Variants in ASCL5 observed in about 807,000 individuals in gnomAD.
ASCL5 encodes the protein achaete-scute family bHLH transcription factor 5, also known as achaete-scute homolog 5.
For missense variants in ASCL5, 262 were observed against 268.9 expected (o/e 0.97, Z 0.18); for synonymous variants, 124 against 131.5 (o/e 0.94, Z 0.39).
Position 201,114,686 on chromosome 1 carries a change from G to C in ASCL5, c.*66C>G, listed in dbSNP as rs867788138. The C allele has an allele frequency of 2.5e-6, 3 of 1,218,006 alleles. No individual in the cohort carries two copies. Among genetic ancestry groups the C allele is most frequent in the Middle Eastern group, 3.2e-4 (1 of 3,162 alleles). The allele number at this position is 1,218,006 out of a possible 1,614,324, so 75.4% of individuals were successfully genotyped here. A position where few individuals can be genotyped will look rare whatever the true frequency, so the allele number is the denominator to read the frequency against. ...ATCGCGGGTGACCCAACAGCCTCCC[G>C]CTGCTCCCGAAAGTGGGACGGGGCC... is the stretch of plus-strand genomic sequence containing the variant. On this transcript the variant is annotated 3_prime_UTR_variant, in exon 2 of 2. Coordinates refer to ENST00000449188, the MANE Select transcript of ASCL5 (RefSeq NM_001270601.2).
At chr1:201,120,441 C>T (rs11578994) in intron 1 of ASCL5, among the ~76,000 whole-genome samples, 3,085 of 152,288 alleles carry the variant, frequency 0.02, 64 homozygotes, top group South Asian at 0.06. Flanking sequence ...TGTCTCCCCA[C>T]CCTCCTCAGC....
At chr1:201,116,270 T>C (rs1663347343) in intron 1 of ASCL5, among the ~76,000 whole-genome samples, 1 of 152,128 alleles carries the variant, frequency 6.6e-6, no homozygotes, top group African/African-American at 2.4e-5. Context: ...TAGAAGCGGG[T>C]CTGAGACTGC....
chr1:201,125,639 C>T (rs1444262182), intron 1 of ASCL5, among the ~76,000 whole-genome samples: 1 of 152,212 alleles, frequency 6.6e-6, no homozygotes, highest in Non-Finnish European at 1.5e-5. Flanking sequence ...GTTCACCTTG[C>T]TGTGCATTTG....
chr1:201,122,953 TA>T (rs1245361555), intron 1 of ASCL5, among the ~76,000 whole-genome samples: 1 of 152,180 alleles, frequency 6.6e-6, no homozygotes, highest in African/African-American at 2.4e-5. Flanking sequence ...AAAGGTAATG[TA>T]TGTGAGCCAC....
chr1:201,120,417 G>A (rs1052676097), intron 1 of ASCL5, among the ~76,000 whole-genome samples: 1 of 152,020 alleles, frequency 6.6e-6, no homozygotes, highest in Non-Finnish European at 1.5e-5. Context: ...GGTGCTCAAT[G>A]TTCACCAGGG....
At chr1:201,121,566 C>T (rs563927646) in intron 1 of ASCL5, among the ~76,000 whole-genome samples, 8 of 152,262 alleles carry the variant, frequency 5.3e-5, no homozygotes, top group African/African-American at 1.9e-4. Context: ...ATTCATTAAG[C>T]AGGCCATCTT....
At chr1:201,124,363 T>C (rs1434143126) in intron 1 of ASCL5, among the ~76,000 whole-genome samples, 1 of 152,166 alleles carries the variant, frequency 6.6e-6, no homozygotes, top group Non-Finnish European at 1.5e-5. Context: ...GCCTCTGCCC[T>C]CTGAACCACA....
In ASCL5 at chr1:201,114,643, G is replaced by T. The variant is rs560848749; in HGVS notation, c.*109C>A. ...ACGGGAGCGCCGCGGACCTCCTACA[G>T]TCACCGTCCTGCGGCGCATCGCGGG... On this transcript the variant is annotated 3_prime_UTR_variant, in exon 2 of 2. Coordinates refer to ENST00000449188, the MANE Select transcript of ASCL5 (RefSeq NM_001270601.2). The T allele has an allele frequency of 5.8e-6, 6 of 1,025,872 alleles. No homozygotes were observed. The East Asian group carries it at 2.0e-4, about 34-fold the overall frequency. 63.5% of individuals were successfully genotyped at this position (1,025,872 alleles called of 1,614,324 possible).
chr1:201,121,548 T>A (rs763898410), intron 1 of ASCL5, among the ~76,000 whole-genome samples: 11 of 152,240 alleles, frequency 7.2e-5, no homozygotes, highest in Non-Finnish European at 1.5e-4. Context: ...AGTGTCGATT[T>A]ATTTAGCATT....
At position 201,122,429 on chromosome 1, in the gene ASCL5, A is replaced by G. The variant is rs374076419; in HGVS notation, c.-506+4655T>C. ...GCTCGCGTGGATTAGGTGCCCTCTG[A>G]TGCTTGGTGCTTTGCGGCGTGCTCT... On this transcript the variant is annotated intron_variant, in intron 1 of 1. Transcript: ENST00000449188. Among the ~76,000 whole-genome samples the G allele has an allele frequency of 3.7e-4, 56 of 152,254 alleles. 1 individual carries two copies. In the South Asian group the frequency reaches 0.011, roughly 30 times the overall value.
intron 1 of ASCL5, among the ~76,000 whole-genome samples, chr1:201,121,681 G>T (rs1208561704): frequency 1.3e-5 from 2 of 151,950 alleles, no homozygotes; most frequent in Non-Finnish European, 2.9e-5. Context: ...AATAAAAACG[G>T]TTAACTGGAT....
At chr1:201,123,084 C>T (rs563881802) in intron 1 of ASCL5, among the ~76,000 whole-genome samples, 5 of 152,260 alleles carry the variant, frequency 3.3e-5, no homozygotes, top group African/African-American at 1.2e-4. Context: ...AAGCCCAGGA[C>T]GGCAGGTGCC....
intron 1 of ASCL5, among the ~76,000 whole-genome samples, chr1:201,121,758 G>C (rs919522062): frequency 2.0e-5 from 3 of 151,976 alleles, no homozygotes; most frequent in African/African-American, 7.2e-5. Flanking sequence ...TTGAGCTCAG[G>C]AGGTGGAGGC....
chr1:201,120,731 G>T (rs1449272616), intron 1 of ASCL5, among the ~76,000 whole-genome samples: 2 of 152,244 alleles, frequency 1.3e-5, no homozygotes, highest in Admixed American at 6.5e-5. Context: ...AGAGTTGGGG[G>T]TCTGAGGTCA....
rs926468106 is a variant in ASCL5 at position 201,121,737 on chromosome 1, G to C, written c.-506+5347C>G. ...TCCCGGCTACTCAGGAGGCTGAGGTGGGAGGATCAGTTGAGCTCAGGAGGT... is the reference window on the plus strand; with the variant it reads ...TCCCGGCTACTCAGGAGGCTGAGGTCGGAGGATCAGTTGAGCTCAGGAGGT... On this transcript the variant is annotated intron_variant, in intron 1 of 1. Coordinates refer to ENST00000449188, the MANE Select transcript of ASCL5 (RefSeq NM_001270601.2). 3.0e-4 allele frequency among the ~76,000 whole-genome samples: 46 copies of C among 152,110 alleles called. 1 individual carries two copies. Among genetic ancestry groups the C allele is most frequent in the African/African-American group, 1.1e-3 (45 of 41,506 alleles).
rs75145177 is a variant in ASCL5, at chr1:201,121,087, C to T, written c.-505-5210G>A. 1.8e-3 allele frequency among the ~76,000 whole-genome samples: 273 copies of T among 152,336 alleles called. 1 individual carries two copies. Among genetic ancestry groups the T allele is most frequent in the Middle Eastern group, 0.014 (4 of 294 alleles). On this transcript the variant is annotated intron_variant, in intron 1 of 1. Transcript: ENST00000449188. ...GCATAATTTGAGAAATGCAGCTCCC[C>T]GCATTTCCCTCCTTGGATACCCACA...
intron 1 of ASCL5, among the ~76,000 whole-genome samples, chr1:201,124,862 G>T (rs562317873): frequency 6.6e-6 from 1 of 152,300 alleles, no homozygotes; most frequent in South Asian, 2.1e-4. Flanking sequence ...TGGACCTGTG[G>T]CCAGGGTAGA....
intron 1 of ASCL5, among the ~76,000 whole-genome samples, chr1:201,124,788 G>T (rs1436001115): frequency 6.6e-6 from 1 of 152,212 alleles, no homozygotes; most frequent in Non-Finnish European, 1.5e-5. Flanking sequence ...GAGCCTCAGG[G>T]TGTCCTTGTG....
rs1448427503 is a variant in ASCL5, at chr1:201,114,746, GC to G, written c.*5del. ...TCCTCCAAGCCGGGGGCGGCCACAG[GC>G]CCGATCAATGCCAGGATTCCTCCGA... On this transcript the variant is annotated 3_prime_UTR_variant, in exon 2 of 2. Coordinates refer to ENST00000449188, the MANE Select transcript of ASCL5 (RefSeq NM_001270601.2). 2 of 1,231,004 alleles carry G rather than the reference GC, an allele frequency of 1.6e-6. No homozygotes were observed. Among genetic ancestry groups the G allele is most frequent in the Non-Finnish European group, 2.0e-6 (2 of 987,550 alleles). 76.3% of individuals were successfully genotyped at this position (1,231,004 alleles called of 1,614,324 possible).
Sources: gnomAD v4.1 joint callset for allele counts (sites outside exome capture counted in the v4.1 genomes callset) on GRCh38, gnomAD v4.1.1 for gene constraint, MANE v1.5 for transcripts, NCBI Gene and HGNC (gene_info 2026-07-23, HGNC 2026-07-21) for gene names.